The following SNX20 variants were observed in gnomAD, a reference collection of about 807,000 sequenced individuals.
SNX20 encodes sorting nexin 20.
In SNX20, 21 loss-of-function variants were observed where a neutral mutation model predicts 24.5. The ratio of observed to expected loss-of-function variants is 0.86; its 90% CI spans 0.61 to 1.23. The LOEUF (loss-of-function observed/expected upper bound fraction) is 1.23, where lower values mean the gene tolerates loss of function less well. Among genes scored for constraint, SNX20 ranks in the 50% most tolerant of loss-of-function variants. The pLI is 0.00. For synonymous variants in SNX20, 206 were observed against 192.8 expected (o/e 1.07, Z -0.57); for missense variants, 433 against 430.8 (o/e 1.00, Z -0.04).
intron 3 of SNX20, among the ~76,000 whole-genome samples, chr16:50,674,875 C>T (rs929475878): frequency 6.6e-6 from 1 of 152,174 alleles, no homozygotes; most frequent in African/African-American, 2.4e-5. Flanking sequence ...ATATTAAGGG[C>T]AATTATAACC....
At chr16:50,666,642 C>T (rs1962922100), downstream of SNX20, 1 of 152,200 alleles carries the variant, frequency 6.6e-6, no homozygotes, top group South Asian at 2.1e-4. Context: ...AACAATATGC[C>T]AAGACATGAT....
chr16:50,667,629 A>T, downstream of SNX20: 5 of 258,808 alleles, frequency 1.9e-5, no homozygotes, highest in South Asian at 2.7e-4. Context: ...GAAAACGAGC[A>T]GCTAGATCAA....
intron 1 of SNX20, among the ~76,000 whole-genome samples, chr16:50,679,131 C>G (rs1362127548): frequency 6.6e-6 from 1 of 152,162 alleles, no homozygotes; most frequent in African/African-American, 2.4e-5. Context: ...GAGGAAGCTG[C>G]CAGTGGAACA....
In SNX20 at chr16:50,674,123, G is replaced by A. The variant is rs760071202; in HGVS notation, c.283-49C>T. The A allele has an allele frequency of 2.6e-6, 4 of 1,537,066 alleles. No homozygotes were observed. In the South Asian group the frequency reaches 3.8e-5, roughly 15 times the overall value. On this transcript the variant is annotated intron_variant, in intron 3 of 3. Coordinates refer to ENST00000330943, the MANE Select transcript of SNX20 (RefSeq NM_182854.4). ...GTGGCCACCTCCCGGCGGGGGCTGC[G>A]GCGGACGGAGCACACCCAGAGTAAA...
chr16:50,680,296 C>G (rs951956919), intron 1 of SNX20, among the ~76,000 whole-genome samples: 2 of 152,168 alleles, frequency 1.3e-5, no homozygotes, highest in Non-Finnish European at 2.9e-5. Context: ...ATGGCCCTTT[C>G]CTTCCCTCTC....
downstream of SNX20, chr16:50,668,541 G>T: frequency 9.8e-7 from 1 of 1,015,578 alleles, no homozygotes; most frequent in Non-Finnish European, 1.2e-6. Context: ...AAGTAAATGT[G>T]CATAAGTAAA....
Position 50,681,216 on chromosome 16 carries a change from C to T in SNX20, c.-36G>A, listed in dbSNP as rs1963288617. On this transcript the variant is annotated 5_prime_UTR_variant, in exon 1 of 4. It introduces an in-frame stop codon into an upstream open reading frame of the 5' UTR. Transcript: ENST00000330943. Reference sequence around the variant, plus strand: ...TCCAGTCTCCAGGGCTGTGTGTGTCCAGGGGTCCGGGAGGAGTGTCATATG... The same window carrying T: ...TCCAGTCTCCAGGGCTGTGTGTGTCTAGGGGTCCGGGAGGAGTGTCATATG... 1 of 152,404 alleles carries T rather than the reference C, an allele frequency of 6.6e-6. No individual in the cohort carries two copies. The highest frequency in any genetic ancestry group is 1.5e-5 in the Non-Finnish European group (1 of 68,138). 9.4% of individuals were successfully genotyped at this position (152,404 alleles called of 1,614,324 possible). A position where few individuals can be genotyped will look rare whatever the true frequency, so the allele number is the denominator to read the frequency against.
chr16:50,668,836 A>G, downstream of SNX20: 2 of 1,317,572 alleles, frequency 1.5e-6, no homozygotes, highest in Non-Finnish European at 1.9e-6. Context: ...GGGGACAGCC[A>G]CTAGAGAGCA....
chr16:50,674,248 TA>T (rs1567369853), intron 3 of SNX20, among the ~76,000 whole-genome samples, 174 bp from the exon 4 acceptor site: 18 of 150,936 alleles, frequency 1.2e-4, no homozygotes, highest in African/African-American at 4.4e-4. Context: ...TTTATTTATT[TA>T]TTTATTTATT....
In SNX20 at chr16:50,673,292, C is replaced by G; in HGVS notation, c.*114G>C. ...CTTCAGTCTGGGTGACAGAGCAAGA[C>G]TGTCTCAAATAACAAAAAAGAAAAG... On this transcript the variant is annotated 3_prime_UTR_variant, in exon 4 of 4. Transcript: ENST00000330943. This position sits in a 1 kb window ranked among gnomAD's most constrained non-coding sequence, Gnocchi z 4.1. 3 of 1,380,434 alleles carry G rather than the reference C, an allele frequency of 2.2e-6. No homozygotes were observed. The highest frequency in any genetic ancestry group is 3.6e-5 in the South Asian group (2 of 56,280). 85.5% of individuals were successfully genotyped at this position (1,380,434 alleles called of 1,614,324 possible).
At chr16:50,677,802 A>G (rs376443829) in intron 1 of SNX20, among the ~76,000 whole-genome samples, 1 of 152,232 alleles carries the variant, frequency 6.6e-6, no homozygotes, top group African/African-American at 2.4e-5. Context: ...CGTATTGCTC[A>G]GAGTTTTAAA....
rs544333488 is a variant in SNX20 at position 50,677,792 on chromosome 16, C to A, written c.-9-257G>T. Among the ~76,000 whole-genome samples, 5 of 152,304 alleles carry A rather than the reference C, an allele frequency of 3.3e-5. No individual in the cohort carries two copies. In the East Asian group the frequency reaches 9.6e-4, roughly 29 times the overall value. The stretch of plus-strand genomic sequence containing the variant: ...CCATATGTTATTGAGGTGATCCTTA[C>A]GTATTGCTCAGAGTTTTAAATGAGA... On this transcript the variant is annotated intron_variant, in intron 1 of 3. Coordinates refer to ENST00000330943, the MANE Select transcript of SNX20 (RefSeq NM_182854.4).
intron 1 of SNX20, among the ~76,000 whole-genome samples, chr16:50,678,610 C>T (rs1963233790): frequency 6.6e-6 from 1 of 152,210 alleles, no homozygotes; most frequent in Admixed American, 6.5e-5. Context: ...AGATGAGGAG[C>T]TGGTGAGTGG....
Position 50,673,717 on chromosome 16 carries a change from G to A in SNX20, c.640C>T (p.Leu214=). 1 of 1,499,268 alleles carries A rather than the reference G, an allele frequency of 6.7e-7. No individual in the cohort carries two copies. The highest frequency in any genetic ancestry group is 8.8e-7 in the Non-Finnish European group (1 of 1,132,524). The allele number at this position is 1,499,268 out of a possible 1,614,324, so 92.9% of individuals were successfully genotyped here. A position where few individuals can be genotyped will look rare whatever the true frequency, so the allele number is the denominator to read the frequency against. Residue 214 remains leucine, a synonymous_variant, in exon 4 of 4, where the codon CTG becomes TTG. Coordinates refer to ENST00000330943, the MANE Select transcript of SNX20 (RefSeq NM_182854.4). The surrounding 1 kb of genome is among the most constrained non-coding windows in gnomAD (Gnocchi z 4.1). ...CAGTGGGCGGTGAGCTTCTCCTGCA[G>A]CGGCAGCACGCGCAGCAGCAGCTCC... ...ALELLLRVLP[L]QEKLTAHCPA...
chr16:50,675,634 T>C, intron 3 of SNX20, 136 bp downstream of exon 3: 3 of 1,150,448 alleles, frequency 2.6e-6, no homozygotes, highest in Non-Finnish European at 3.7e-6. Flanking sequence ...CTTTGGCCAT[T>C]TTCTCCAGAA....
At position 50,673,413 on chromosome 16, in the gene SNX20, A is replaced by T. The variant is rs770015851; in HGVS notation, c.944T>A (p.Leu315Gln). Residue 315 changes from leucine (L) to glutamine (Q), a missense_variant, in exon 4 of 4, where the codon CTG (leucine) becomes CAG (glutamine). Transcript: ENST00000330943. This position sits in a 1 kb window ranked among gnomAD's most constrained non-coding sequence, Gnocchi z 4.1. ...TLKELTVREY[L>Q]H ...GCGGGGTCCCAGGCCGGCTCAGTGC[A>T]GGTATTCTCGCACAGTGAGCTCCTT... 4 of 1,543,412 alleles carry T rather than the reference A, an allele frequency of 2.6e-6. No individual in the cohort carries two copies. Among genetic ancestry groups the T allele is most frequent in the African/African-American group, 2.8e-5 (2 of 70,984 alleles).
chr16:50,673,231 T>G lies in SNX20; in HGVS notation c.*175A>C. 2.6e-6 allele frequency: 3 copies of G among 1,135,788 alleles called. No homozygotes were observed. The highest frequency in any genetic ancestry group is 3.4e-6 in the Non-Finnish European group (3 of 892,660). 70.4% of individuals were successfully genotyped at this position (1,135,788 alleles called of 1,614,324 possible). ...TGGGAGGATTGCTTGTGCCCAGGAGTTTGAGGCTGCAGTGAGACATAATTG... is the reference window on the plus strand; with the variant it reads ...TGGGAGGATTGCTTGTGCCCAGGAGGTTGAGGCTGCAGTGAGACATAATTG... On this transcript the variant is annotated 3_prime_UTR_variant, in exon 4 of 4. Coordinates refer to ENST00000330943, the MANE Select transcript of SNX20 (RefSeq NM_182854.4). The surrounding 1 kb of genome is among the most constrained non-coding windows in gnomAD (Gnocchi z 4.1).
intron 3 of SNX20, among the ~76,000 whole-genome samples, chr16:50,674,594 A>G (rs1395994321): frequency 6.6e-6 from 1 of 152,166 alleles, no homozygotes; most frequent in Non-Finnish European, 1.5e-5. Flanking sequence ...TCAACCCTGG[A>G]ACAACAACAC....
At chr16:50,674,832 T>A (rs1963146585) in intron 3 of SNX20, among the ~76,000 whole-genome samples, 1 of 152,216 alleles carries the variant, frequency 6.6e-6, no homozygotes, top group Non-Finnish European at 1.5e-5. Context: ...TTTTCAATCA[T>A]CTTTCAAGAG....
Sources: allele counts gnomAD v4.1 joint callset (sites outside exome capture counted in the v4.1 genomes callset), GRCh38; gene constraint gnomAD v4.1.1; non-coding constraint Gnocchi (gnomAD v3.1); transcripts MANE v1.5; gene names NCBI Gene and HGNC (gene_info 2026-07-23, HGNC 2026-07-21).